The following PLCB1 variants were observed in gnomAD, a reference collection of about 807,000 sequenced individuals.
PLCB1 encodes 1-phosphatidylinositol 4,5-bisphosphate phosphodiesterase beta-1.
PLCB1 carries 46 observed loss-of-function variants against 161.8 expected under a neutral mutation model. The ratio of observed to expected loss-of-function variants is 0.28; its 90% confidence interval spans 0.22 to 0.36. The LOEUF (loss-of-function observed/expected upper bound fraction) is 0.36, where lower values mean the gene tolerates loss of function less well. Ranked by LOEUF, PLCB1 falls within the 10% of genes least tolerant of loss-of-function variation. The probability of loss-of-function intolerance (pLI) is 1.00; values close to 1 mark genes in which losing one functional copy is unlikely to be tolerated. For missense variants in PLCB1, 1,016 were observed against 1,472.5 expected, an observed-to-expected ratio of 0.69 and a Z score of 5.07; for synonymous variants, 517 against 503.7, an observed-to-expected ratio of 1.03 and a Z score of -0.35.
intron 3 of PLCB1, among the ~76,000 whole-genome samples, chr20:8,375,722 G>A (rs1301967776): frequency 6.6e-6 from 1 of 152,136 alleles, no homozygotes; most frequent in Non-Finnish European, 1.5e-5. Flanking sequence ...CAGGCGTAAG[G>A]AAGTTGTGCT....
chr20:8,788,598 C>T lies in PLCB1; in HGVS notation c.3189-35C>T. ...CAACACAAATTCCCATCTGATTTGCCTCTTTTTTCTCTTTTACTTCCATTG... is the reference window on the plus strand; with the variant it reads ...CAACACAAATTCCCATCTGATTTGCTTCTTTTTTCTCTTTTACTTCCATTG... On this transcript the variant is annotated intron_variant, in intron 28 of 31. Coordinates refer to ENST00000338037, the MANE Select transcript of PLCB1 (RefSeq NM_015192.4). 3 of 1,590,154 alleles carry T rather than the reference C, an allele frequency of 1.9e-6. 1 individual carries two copies. In the Middle Eastern group the frequency reaches 5.0e-4, roughly 265 times the overall value.
chr20:8,276,833 G>T (rs949754996), intron 2 of PLCB1, among the ~76,000 whole-genome samples: 1 of 151,738 alleles, frequency 6.6e-6, no homozygotes, highest in African/African-American at 2.4e-5. Context: ...CCATAGCCCC[G>T]CCATGAAATA....
chr20:8,241,188 A>G (rs1980591596), intron 2 of PLCB1, among the ~76,000 whole-genome samples: 1 of 152,046 alleles, frequency 6.6e-6, no homozygotes, highest in Non-Finnish European at 1.5e-5. Context: ...TAAGAAAAAT[A>G]TGCATAGTGA....
intron 3 of PLCB1, among the ~76,000 whole-genome samples, chr20:8,582,426 C>T (rs1283142736): frequency 2.0e-5 from 3 of 152,058 alleles, no homozygotes; most frequent in African/African-American, 2.4e-5. Flanking sequence ...GGGACAGCAC[C>T]GTGGTACCAT....
At chr20:8,839,169 G>A (rs914792111) in intron 31 of PLCB1, among the ~76,000 whole-genome samples, 1 of 152,172 alleles carries the variant, frequency 6.6e-6, no homozygotes, top group African/African-American at 2.4e-5. Context: ...AGATATATCT[G>A]ACAAAGTTTA....
chr20:8,263,280 T>C (rs1981797436), intron 2 of PLCB1, among the ~76,000 whole-genome samples: 1 of 152,136 alleles, frequency 6.6e-6, no homozygotes, highest in African/African-American at 2.4e-5. Flanking sequence ...TGAGGCAATT[T>C]CTCATTACTA....
chr20:8,539,618 T>TTCTTTCTTTCTTTCTTTCCC (rs1985197214), intron 3 of PLCB1, among the ~76,000 whole-genome samples: 1 of 56,726 alleles, frequency 1.8e-5, no homozygotes, highest in African/African-American at 8.6e-5. Flanking sequence ...TTTCTTTATT[T>TTCTTTCTTTCTTTCTTTCCC]TCTTTCTTTC....
At chr20:8,739,150 CA>C (rs939671553) in intron 20 of PLCB1, 110 bp from the exon 21 acceptor site, 26 of 755,916 alleles carry the variant, frequency 3.4e-5, no homozygotes, top group Non-Finnish European at 5.9e-5. Flanking sequence ...GACTCTATCT[CA>C]AAAAAAGAAA....
intron 3 of PLCB1, among the ~76,000 whole-genome samples, chr20:8,381,337 A>C (rs1012434171): frequency 2.0e-5 from 3 of 152,098 alleles, no homozygotes; most frequent in Admixed American, 2.0e-4. Flanking sequence ...TGCTGGATTT[A>C]GTTTGCAGTA....
intron 24 of PLCB1, among the ~76,000 whole-genome samples, chr20:8,757,990 A>C (rs1487780608): frequency 6.6e-6 from 1 of 151,930 alleles, no homozygotes; most frequent in African/African-American, 2.4e-5. Context: ...TGTTTACCCC[A>C]GTAGATGGGA....
At chr20:8,261,122 T>C (rs569020608) in intron 2 of PLCB1, among the ~76,000 whole-genome samples, 1 of 152,252 alleles carries the variant, frequency 6.6e-6, no homozygotes, top group East Asian at 1.9e-4. Context: ...CCCCTTCTGC[T>C]TCTCTTGATC....
chr20:8,548,688 T>G (rs1985661114), intron 3 of PLCB1, among the ~76,000 whole-genome samples: 1 of 152,172 alleles, frequency 6.6e-6, no homozygotes, highest in Non-Finnish European at 1.5e-5. Context: ...AATCTTATAT[T>G]TATTCATATC....
chr20:8,177,909 A>G (rs1006643739), intron 2 of PLCB1, among the ~76,000 whole-genome samples: 5 of 152,002 alleles, frequency 3.3e-5, no homozygotes, highest in Admixed American at 1.3e-4. Context: ...TGTGTACTCA[A>G]TGTTTAGCTC....
chr20:8,209,526 C>A (rs1038079587), intron 2 of PLCB1, among the ~76,000 whole-genome samples: 1 of 151,932 alleles, frequency 6.6e-6, no homozygotes, highest in Non-Finnish European at 1.5e-5. Context: ...TATTTTATTT[C>A]CTTAAACTTA....
chr20:8,543,103 C>A (rs1398884209), intron 3 of PLCB1, among the ~76,000 whole-genome samples: 2 of 152,192 alleles, frequency 1.3e-5, no homozygotes, highest in East Asian at 3.9e-4. Context: ...TGCAGAATCT[C>A]AGGCCCCACC....
chr20:8,233,577 G>T (rs1324236774), intron 2 of PLCB1, among the ~76,000 whole-genome samples: 1 of 151,922 alleles, frequency 6.6e-6, no homozygotes, highest in African/African-American at 2.4e-5. Flanking sequence ...AGTTAAAAAG[G>T]TACACTCTTC....
At chr20:8,577,705 A>AG (rs1291418284) in intron 3 of PLCB1, among the ~76,000 whole-genome samples, 1 of 152,178 alleles carries the variant, frequency 6.6e-6, no homozygotes, top group African/African-American at 2.4e-5. Context: ...ACCATGCTAG[A>AG]GGTAAATCCA....
At chr20:8,180,043 G>A (rs898174453) in intron 2 of PLCB1, among the ~76,000 whole-genome samples, 36 of 151,346 alleles carry the variant, frequency 2.4e-4, no homozygotes, top group African/African-American at 6.6e-4. Context: ...TATTTTTAGT[G>A]GAGATGGGGT....
At chr20:8,445,261 A>G (rs934664695) in intron 3 of PLCB1, among the ~76,000 whole-genome samples, 1 of 152,222 alleles carries the variant, frequency 6.6e-6, no homozygotes, top group Non-Finnish European at 1.5e-5. Flanking sequence ...AGCTGTCTAC[A>G]TATGGCTAGC....
Sources: gnomAD v4.1 joint callset for allele counts (sites outside exome capture counted in the v4.1 genomes callset) on GRCh38, gnomAD v4.1.1 for gene constraint, MANE v1.5 for transcripts, NCBI Gene and HGNC (gene_info 2026-07-23, HGNC 2026-07-21) for gene names.